Variants in COL6A3 observed in about 807,000 individuals in gnomAD.
COL6A3 encodes collagen alpha-3(VI) chain.
A neutral mutation model predicts 274.1 loss-of-function variants in COL6A3; 137 were observed. That is an observed-to-expected ratio of 0.50 (90% confidence interval 0.44 to 0.58). COL6A3 has a LOEUF of 0.58. Among genes scored for constraint, COL6A3 ranks in the 20% least tolerant of loss-of-function variants. COL6A3 has a pLI of 0.00. For synonymous variants in COL6A3, 1,650 were observed against 1,650.6 expected, an observed-to-expected ratio of 1.00 and a Z score of 0.01; for missense variants, 3,950 against 4,124.9, an observed-to-expected ratio of 0.96 and a Z score of 1.16.
rs112382351 is a variant in COL6A3 at position 237,336,355 on chromosome 2, C to T, written c.8745G>A (p.Ala2915=). The T allele has an allele frequency of 7.8e-4, 1,261 of 1,613,616 alleles. 15 individuals carry two copies. In the African/African-American group the frequency reaches 0.012, roughly 16 times the overall value. The change falls in exon 40 of 44, where the codon GCG becomes GCA. Residue 2915 remains alanine (A), a synonymous_variant. Coordinates refer to ENST00000295550, the MANE Select transcript of COL6A3 (RefSeq NM_004369.4). The part of the protein sequence containing the change: ...VKPAAAKPAP[A]KPVAAKPVAT... ...CCACAGGCTTGGCAGCCACAGGTTT[C>T]GCAGGGGCCGGCTTTGCAGCGGCTG...
rs756249024 is a variant in COL6A3, at chr2:237,371,799, C to T, written c.4218G>A (p.Thr1406=). The change falls in exon 9 of 44, where the codon ACG becomes ACA. Residue 1406 remains threonine, a synonymous_variant. Coordinates refer to ENST00000295550, the MANE Select transcript of COL6A3 (RefSeq NM_004369.4). The surrounding 1 kb of genome is among the most constrained non-coding windows in gnomAD (Gnocchi z 4.3). ...ELPSLEQKLL[T]PITTLTSEQI... is the part of the protein sequence containing the mutation. ...GCTCTGAGGTCAGGGTCGTGATGGG[C>T]GTCAGCAGTTTCTGCTCCAGGCTGG... The T allele has an allele frequency of 2.2e-5, 35 of 1,613,730 alleles. No homozygotes were observed. Among genetic ancestry groups the T allele is most frequent in the Middle Eastern group, 3.3e-4 (2 of 6,084 alleles).
chr2:237,385,067 G>A (rs1230819556), intron 4 of COL6A3, among the ~76,000 whole-genome samples: 1 of 152,066 alleles, frequency 6.6e-6, no homozygotes, highest in Non-Finnish European at 1.5e-5. Context: ...CCTTCTCAGG[G>A]CCTTCCATCC....
At chr2:237,334,138 A>G (rs1299478244) in intron 41 of COL6A3, among the ~76,000 whole-genome samples, 1 of 152,198 alleles carries the variant, frequency 6.6e-6, no homozygotes, top group Non-Finnish European at 1.5e-5. Flanking sequence ...GCAGAGCCCA[A>G]CTATGGTGAG....
At position 237,334,733 on chromosome 2, in the gene COL6A3, G is replaced by A. The variant is rs754218170; in HGVS notation, c.9122C>T (p.Thr3041Met). The A allele has an allele frequency of 1.1e-5, 17 of 1,614,002 alleles. No homozygotes were observed. The highest frequency in any genetic ancestry group is 1.7e-4 in the Middle Eastern group (1 of 6,044). The change falls in exon 41 of 44, where the codon ACG (threonine) becomes ATG (methionine). Residue 3041 changes from threonine to methionine, a missense_variant. Coordinates refer to ENST00000295550, the MANE Select transcript of COL6A3 (RefSeq NM_004369.4). The part of the protein sequence containing the change: ...SLVLKQNLTV[T>M]DRVIGGLLAG... The stretch of plus-strand genomic sequence containing the variant: ...GAGCAGGCCTCCAATGACGCGGTCC[G>A]TGACCGTGAGGTTCTGCTTCAGAAC...
At chr2:237,334,916 T>C (rs1272606187) in intron 40 of COL6A3, 27 bp from the exon 41 acceptor site, 3 of 1,613,614 alleles carry the variant, frequency 1.9e-6, no homozygotes, top group Non-Finnish European at 2.5e-6. Context: ...AGCGTGAAGA[T>C]AAAAAATAAA....
In COL6A3 at chr2:237,325,667, T is replaced by C. The variant is rs145528484; in HGVS notation, c.9386A>G (p.Tyr3129Cys). The change falls in exon 43 of 44, where the codon TAC (tyrosine) becomes TGC (cysteine). Residue 3129 changes from tyrosine to cysteine, a missense_variant. Around this residue, in one of 5 missense-constraint regions of COL6A3, gnomAD observed 1,284 missense variants for 1,349.7 expected, o/e 0.95. Transcript: ENST00000295550. ...GTCRDFILKWYYDPNTKSCAR... is the reference protein window; with the variant it reads ...GTCRDFILKWCYDPNTKSCAR... ...ACAGCTTTTGGTGTTTGGATCATAG[T>C]ACCATTTTAATATGAAATCCCTGCA... 3.7e-6 allele frequency: 6 copies of C among 1,614,046 alleles called. No homozygotes were observed. The highest frequency in any genetic ancestry group is 4.2e-6 in the Non-Finnish European group (5 of 1,180,000).
Position 237,336,507 on chromosome 2 carries a change from T to A in COL6A3, c.8593A>T (p.Ser2865Cys). 1 of 1,614,252 alleles carries A rather than the reference T, an allele frequency of 6.2e-7. No individual in the cohort carries two copies. Among genetic ancestry groups the A allele is most frequent in the South Asian group, 1.1e-5 (1 of 91,088 alleles). ...GTCGTCACTGGGTTGGATGTAGGAC[T>A]TGAAGTAACGTTATTCGGAACATTT... ...QVNVPNNVTSSPTSNPVTTTK... is the reference protein window; with the variant it reads ...QVNVPNNVTSCPTSNPVTTTK... Residue 2865 changes from serine (S) to cysteine (C), a missense_variant, in exon 40 of 44, where the codon AGT becomes TGT. Physicochemically the swap from Ser to Cys is moderately radical, Grantham distance 112. This residue lies in a region of COL6A3 where 1,284 missense variants were observed against 1,349.7 expected (regional missense o/e 0.95). Transcript: ENST00000295550.
At chr2:237,396,284 A>G (rs1374799365) in intron 2 of COL6A3, among the ~76,000 whole-genome samples, 1 of 152,234 alleles carries the variant, frequency 6.6e-6, no homozygotes, top group Non-Finnish European at 1.5e-5. Flanking sequence ...TAGATGAAAA[A>G]TGCCTTCCTG....
chr2:237,394,514 TA>T (rs2078376545), intron 3 of COL6A3, 72 bp downstream of exon 3: 1 of 1,603,536 alleles, frequency 6.2e-7, no homozygotes, highest in South Asian at 1.1e-5. Flanking sequence ...GCTGTTGCTT[TA>T]AGGCCAGCAG....
At chr2:237,351,080 G>A in intron 27 of COL6A3, 50 bp downstream of exon 27, 1 of 1,568,504 alleles carries the variant, frequency 6.4e-7, no homozygotes, top group East Asian at 2.2e-5. Flanking sequence ...GGGCATGTGT[G>A]CCTGGCTGGT....
In COL6A3 at chr2:237,377,198, C is replaced by T. The variant is rs1389629269; in HGVS notation, c.2644G>A (p.Asp882Asn). The T allele has an allele frequency of 1.4e-5, 22 of 1,613,950 alleles. No homozygotes were observed. Among genetic ancestry groups the T allele is most frequent in the Admixed American group, 5.0e-5 (3 of 60,010 alleles). ...AAACGGGACTCCACCTTGACATCAT[C>T]GCTGTACTGAGCCACCGCAATTCGG... ...GTRIAVAQYS[D>N]DVKVESRFDE... Residue 882 changes from aspartate to asparagine, a missense_variant, in exon 7 of 44, where the codon GAT becomes AAT. By Grantham distance (23) the Asp-to-Asn change is conservative. This residue lies in a region of COL6A3 where 1,934 missense variants were observed against 1,984.3 expected (regional missense o/e 0.97). Transcript: ENST00000295550.
intron 1 of COL6A3, among the ~76,000 whole-genome samples, chr2:237,409,532 T>G (rs1054582227): frequency 5.9e-5 from 9 of 151,734 alleles, no homozygotes; most frequent in African/African-American, 2.2e-4. Flanking sequence ...GTTTTTGTTT[T>G]TTTTGTTTGT....
intron 43 of COL6A3, 39 bp downstream of exon 43, chr2:237,325,521 T>A: frequency 6.2e-7 from 1 of 1,611,490 alleles, no homozygotes; most frequent in African/African-American, 1.3e-5. Flanking sequence ...CTGAATCTCT[T>A]ATTTGCAGAA....
At position 237,361,111 on chromosome 2, in the gene COL6A3, T is replaced by C. The variant is rs749779159; in HGVS notation, c.6210+10A>G. ...GTGAAATTTTAGGGACTAAAACAAT[T>C]TTTACTTACGGGTCCACCCTCATCA... is the stretch of plus-strand genomic sequence containing the variant. On this transcript the variant is annotated intron_variant, in intron 16 of 43. Transcript: ENST00000295550. The surrounding 1 kb of genome is among the most constrained non-coding windows in gnomAD (Gnocchi z 5.1). 1 of 1,613,626 alleles carries C rather than the reference T, an allele frequency of 6.2e-7. No homozygotes were observed. The highest frequency in any genetic ancestry group is 1.1e-5 in the South Asian group (1 of 91,068).
chr2:237,371,513 G>C lies in COL6A3; in HGVS notation c.4285+219C>G. 3 of 1,006,658 alleles carry C rather than the reference G, an allele frequency of 3.0e-6. No homozygotes were observed. Among genetic ancestry groups the C allele is most frequent in the Non-Finnish European group, 4.0e-6 (3 of 741,274 alleles). 62.4% of individuals were successfully genotyped at this position (1,006,658 alleles called of 1,614,324 possible). ...CTGAGGAGGCTGAAGTGGGAGGTTG[G>C]CTGGATCCCAGAAGGCAGAGGTTAA... On this transcript the variant is annotated intron_variant, in intron 9 of 43. Transcript: ENST00000295550. The surrounding 1 kb of genome is among the most constrained non-coding windows in gnomAD (Gnocchi z 4.3).
intron 42 of COL6A3, among the ~76,000 whole-genome samples, chr2:237,332,480 T>A (rs1358886580): frequency 6.6e-6 from 1 of 152,158 alleles, no homozygotes; most frequent in Non-Finnish European, 1.5e-5. Flanking sequence ...CTTTGTGGCT[T>A]CTCTTTGAGC....
In COL6A3 at chr2:237,365,759, G is replaced by A. The variant is rs763172498; in HGVS notation, c.5777C>T (p.Thr1926Met). The stretch of plus-strand genomic sequence containing the variant: ...CAGGTAGACCTTCAGGGTGTCCTCC[G>A]TGAGGACGTAGGGGTGCTGGCTGCG... ...NMRSQHPYVL[T>M]EDTLKVYLNK... Residue 1926 changes from threonine (T) to methionine (M), a missense_variant, in exon 12 of 44, where the codon ACG becomes ATG. Physicochemically the swap from Thr to Met is moderately conservative, Grantham distance 81. This residue lies in a region of COL6A3 where 632 missense variants were observed against 623.4 expected (regional missense o/e 1.01). Coordinates refer to ENST00000295550, the MANE Select transcript of COL6A3 (RefSeq NM_004369.4). 29 of 1,614,098 alleles carry A rather than the reference G, an allele frequency of 1.8e-5. No homozygotes were observed. Among genetic ancestry groups the A allele is most frequent in the African/African-American group, 2.7e-5 (2 of 74,940 alleles).
rs766491180 is a variant in COL6A3 at position 237,336,169 on chromosome 2, T to C, written c.8931A>G (p.Pro2977=). 1 of 1,613,478 alleles carries C rather than the reference T, an allele frequency of 6.2e-7. No homozygotes were observed. Residue 2977 remains proline, a synonymous_variant, in exon 40 of 44, where the codon CCA becomes CCG. Transcript: ENST00000295550. ...TAGTGGTGGCTGGCTTGGTGGCAGCTGGTTTGGCTGCCTGTGGCCTAGGGA... is the reference window on the plus strand; with the variant it reads ...TAGTGGTGGCTGGCTTGGTGGCAGCCGGTTTGGCTGCCTGTGGCCTAGGGA... ...PEVPRPQAAK[P]AATKPATTKP...
chr2:237,400,625 T>TAA (rs1026476548), intron 1 of COL6A3, among the ~76,000 whole-genome samples: 1 of 142,612 alleles, frequency 7.0e-6, no homozygotes, highest in African/African-American at 2.6e-5. Context: ...AAACCTTCCA[T>TAA]AAAAAAAAAA....
Sources: gnomAD v4.1 joint callset for allele counts (sites outside exome capture counted in the v4.1 genomes callset) on GRCh38, gnomAD v4.1.1 for gene constraint, gnomAD v4.1.1 regional missense constraint, Gnocchi (gnomAD v3.1) non-coding constraint, MANE v1.5 for transcripts, NCBI Gene and HGNC (gene_info 2026-07-23, HGNC 2026-07-21) for gene names.